Variants in KLHL32 observed in about 807,000 individuals in gnomAD.
The protein encoded by KLHL32 is kelch-like protein 32.
Under a neutral mutation model 64.8 loss-of-function variants are expected in KLHL32, and 35 were observed. The ratio of observed to expected loss-of-function variants is 0.54; its 90% CI spans 0.41 to 0.72. The LOEUF (loss-of-function observed/expected upper bound fraction) is 0.72. Ranked by LOEUF, KLHL32 falls within the 30% of genes least tolerant of loss-of-function variation. The pLI, the probability that KLHL32 is intolerant of heterozygous loss-of-function variation, is 0.00. For synonymous variants in KLHL32, 259 were observed against 281.0 expected, an observed-to-expected ratio of 0.92 and a Z score of 0.78; for missense variants, 589 against 768.5, an observed-to-expected ratio of 0.77 and a Z score of 2.76.
At chr6:96,953,706 C>A (rs1772912268) in intron 1 of KLHL32, among the ~76,000 whole-genome samples, 1 of 151,998 alleles carries the variant, frequency 6.6e-6, no homozygotes, top group South Asian at 2.1e-4. Context: ...CTTCCCATCC[C>A]TCCATTCTCT....
intron 6 of KLHL32, among the ~76,000 whole-genome samples, chr6:97,107,186 G>A (rs1185730545): frequency 4.6e-5 from 7 of 151,878 alleles, no homozygotes; most frequent in Admixed American, 2.6e-4. Context: ...CCAGCTACTC[G>A]GGAGGCTGAG....
chr6:96,982,779 G>A (rs2128051771), intron 3 of KLHL32, among the ~76,000 whole-genome samples: 1 of 152,254 alleles, frequency 6.6e-6, no homozygotes, highest in African/African-American at 2.4e-5. Flanking sequence ...GGAGATTTTG[G>A]GCTGAGACGA....
intron 4 of KLHL32, among the ~76,000 whole-genome samples, chr6:97,042,980 T>C (rs994125875): frequency 2.0e-5 from 3 of 152,180 alleles, no homozygotes; most frequent in African/African-American, 7.2e-5. Flanking sequence ...AGCTATTTAT[T>C]AAAAAGAGGC....
chr6:96,987,152 A>G (rs1408498690), intron 3 of KLHL32, among the ~76,000 whole-genome samples: 4 of 152,122 alleles, frequency 2.6e-5, no homozygotes, highest in Non-Finnish European at 5.9e-5. Flanking sequence ...GATCTTTTCA[A>G]AAAACCAGCT....
the KLHL32 span, among the ~76,000 whole-genome samples, chr6:96,903,675 C>G: frequency 6.6e-6 from 1 of 152,148 alleles, no homozygotes; most frequent in Non-Finnish European, 1.5e-5. Flanking sequence ...TGGAAGAGTA[C>G]CCCTGAGCTC....
chr6:96,973,095 A>T (rs1328329047), intron 2 of KLHL32, among the ~76,000 whole-genome samples: 2 of 152,178 alleles, frequency 1.3e-5, no homozygotes, highest in African/African-American at 4.8e-5. Context: ...TTGGTTCCAA[A>T]ATATTTGGGA....
chr6:97,088,882 G>A (rs1461937076), intron 6 of KLHL32, among the ~76,000 whole-genome samples: 1 of 152,082 alleles, frequency 6.6e-6, no homozygotes, highest in Non-Finnish European at 1.5e-5. Context: ...TTTCTTTTCA[G>A]GAACATGCAT....
At chr6:96,916,897 AT>A in the KLHL32 span, among the ~76,000 whole-genome samples, 2 of 152,200 alleles carry the variant, frequency 1.3e-5, no homozygotes, top group African/African-American at 4.8e-5. Flanking sequence ...CCATCTAAAA[AT>A]TATGTGTGGT....
rs1163508094 is a variant in KLHL32 at position 96,990,210 on chromosome 6, T to C, written c.204+14033T>C. Among the ~76,000 whole-genome samples, 3 of 152,266 alleles carry C rather than the reference T, an allele frequency of 2.0e-5. No homozygotes were observed. The East Asian group carries it at 5.8e-4, about 29-fold the overall frequency. On this transcript the variant is annotated intron_variant, in intron 3 of 10. Transcript: ENST00000369261. ...TTTTGTACTAGTTCTTTCTTATCTCTGTGTGCTGATGTTCCTTTCACAGTT... is the reference window on the plus strand; with the variant it reads ...TTTTGTACTAGTTCTTTCTTATCTCCGTGTGCTGATGTTCCTTTCACAGTT...
chr6:97,034,732 T>C (rs1339286318), intron 3 of KLHL32, among the ~76,000 whole-genome samples: 1 of 152,110 alleles, frequency 6.6e-6, no homozygotes, highest in African/African-American at 2.4e-5. Context: ...TTTGATTACA[T>C]GTATGCCTAA....
chr6:97,014,883 A>C (rs1480288771), intron 3 of KLHL32, among the ~76,000 whole-genome samples: 1 of 152,148 alleles, frequency 6.6e-6, no homozygotes, highest in Non-Finnish European at 1.5e-5. Context: ...CTGTGTCCCC[A>C]CCCAAATCTC....
chr6:96,997,145 A>G (rs1215646541), intron 3 of KLHL32, among the ~76,000 whole-genome samples: 1 of 152,140 alleles, frequency 6.6e-6, no homozygotes, highest in Non-Finnish European at 1.5e-5. Context: ...GGCACAAGAC[A>G]TTTGGAAAGA....
intron 3 of KLHL32, among the ~76,000 whole-genome samples, chr6:96,982,306 C>A (rs1562212747): frequency 6.6e-6 from 1 of 152,116 alleles, no homozygotes; most frequent in East Asian, 1.9e-4. Context: ...TTAGGTAATG[C>A]CCTTCTTTGT....
intron 7 of KLHL32, among the ~76,000 whole-genome samples, chr6:97,122,988 T>C (rs961094666): frequency 1.3e-5 from 2 of 152,218 alleles, no homozygotes; most frequent in African/African-American, 4.8e-5. Flanking sequence ...TGGAGCATGC[T>C]CCTCCACCCT....
intron 4 of KLHL32, among the ~76,000 whole-genome samples, chr6:97,050,868 C>T (rs1181480503): frequency 1.3e-5 from 2 of 151,806 alleles, no homozygotes; most frequent in East Asian, 1.9e-4. Flanking sequence ...CCAGGTGTGG[C>T]GGTGGACATC....
At position 97,139,253 on chromosome 6, in the gene KLHL32, G is replaced by A. The variant is rs760485401; in HGVS notation, c.1834G>A (p.Val612Met). The change falls in exon 11 of 11, where the codon GTG becomes ATG. Residue 612 changes from valine (V) to methionine (M), a missense_variant. Coordinates refer to ENST00000369261, the MANE Select transcript of KLHL32 (RefSeq NM_052904.4). ...FTCPNLQTLQVPHHRIGTI is the reference protein window; with the variant it reads ...FTCPNLQTLQMPHHRIGTI ...ATGCCCTAACCTTCAAACTCTTCAA[G>A]TGCCTCATCACAGGATTGGCACCAT... 6.2e-7 allele frequency: 1 copy of A among 1,613,888 alleles called. No individual in the cohort carries two copies. Among genetic ancestry groups the A allele is most frequent in the Non-Finnish European group, 8.5e-7 (1 of 1,179,908 alleles).
chr6:97,129,840 G>A (rs1271055410), intron 8 of KLHL32, among the ~76,000 whole-genome samples: 1 of 152,140 alleles, frequency 6.6e-6, no homozygotes, highest in Non-Finnish European at 1.5e-5. Context: ...CCGAGATCAT[G>A]TCACTGCACT....
intron 6 of KLHL32, among the ~76,000 whole-genome samples, chr6:97,093,676 G>T (rs1232236756): frequency 6.6e-6 from 1 of 152,196 alleles, no homozygotes; most frequent in Non-Finnish European, 1.5e-5. Context: ...GGAAAGTGTT[G>T]CTGAGGGTCT....
intron 4 of KLHL32, among the ~76,000 whole-genome samples, chr6:97,047,891 G>A (rs1307461877): frequency 6.6e-6 from 1 of 152,134 alleles, no homozygotes; most frequent in Non-Finnish European, 1.5e-5. Context: ...AAAGGCCTTG[G>A]GATAAGCCTT....
Sources: allele counts gnomAD v4.1 joint callset (sites outside exome capture counted in the v4.1 genomes callset), GRCh38; gene constraint gnomAD v4.1.1; transcripts MANE v1.5; gene names NCBI Gene and HGNC (gene_info 2026-07-23, HGNC 2026-07-21).